Variants in PIAS2 observed in about 807,000 individuals in gnomAD.
PIAS2 encodes E3 SUMO-protein ligase PIAS2.
A neutral mutation model predicts 69.7 loss-of-function variants in PIAS2; 19 were observed. The observed-to-expected ratio is 0.27, with a 90% CI of 0.19 to 0.40. PIAS2 has a LOEUF of 0.40. PIAS2 is among the 10% of genes least tolerant of loss of function. The pLI is 1.00. For synonymous variants in PIAS2, 261 were observed against 263.2 expected, an observed-to-expected ratio of 0.99 and a Z score of 0.08; for missense variants, 624 against 757.0, an observed-to-expected ratio of 0.82 and a Z score of 2.06.
At chr18:46,885,815 G>A (rs564007445) in intron 2 of PIAS2, among the ~76,000 whole-genome samples, 1 of 152,140 alleles carries the variant, frequency 6.6e-6, no homozygotes, top group Non-Finnish European at 1.5e-5. Context: ...AATGCAGGGA[G>A]TTTAGTTACT....
chr18:46,900,181 A>G (rs1012091979), intron 1 of PIAS2, among the ~76,000 whole-genome samples: 3 of 152,134 alleles, frequency 2.0e-5, no homozygotes, highest in East Asian at 3.9e-4. Flanking sequence ...CCTGGCCAAC[A>G]TGGTAAAACA....
intron 5 of PIAS2, among the ~76,000 whole-genome samples, chr18:46,854,662 A>G (rs1327811122): frequency 6.6e-6 from 1 of 152,210 alleles, no homozygotes; most frequent in Non-Finnish European, 1.5e-5. Flanking sequence ...TTTACATTGT[A>G]TACATCCTAG....
intron 2 of PIAS2, among the ~76,000 whole-genome samples, chr18:46,876,177 A>G (rs527372992): frequency 1.7e-3 from 263 of 152,316 alleles, no homozygotes; most frequent in African/African-American, 6.1e-3. Flanking sequence ...CTCTGATCCA[A>G]TTGGCCATCC....
chr18:46,838,449 C>A (rs2044778050), intron 8 of PIAS2, among the ~76,000 whole-genome samples: 1 of 152,164 alleles, frequency 6.6e-6, no homozygotes, highest in Non-Finnish European at 1.5e-5. Context: ...AGAGTCCACT[C>A]TCTCACTGCT....
At chr18:46,836,310 C>G in intron 9 of PIAS2, 47 bp downstream of exon 9, 1 of 1,453,808 alleles carries the variant, frequency 6.9e-7, no homozygotes, top group Non-Finnish European at 9.6e-7. Context: ...GCATTGCCAA[C>G]AGCTGTTGTA....
intron 8 of PIAS2, among the ~76,000 whole-genome samples, chr18:46,838,141 C>G (rs554146359): frequency 8.9e-4 from 136 of 152,234 alleles, no homozygotes; most frequent in African/African-American, 3.0e-3. Flanking sequence ...TTTCTAATTC[C>G]TCTAAAATGA....
At chr18:46,917,734 C>A (rs1377107040), upstream of PIAS2, 1 of 225,966 alleles carries the variant, frequency 4.4e-6, no homozygotes. Flanking sequence ...TGGGTCGCAA[C>A]TGAGGCGTTA....
chr18:46,920,035 A>T, upstream of PIAS2: 2 of 1,286,954 alleles, frequency 1.6e-6, no homozygotes, highest in Non-Finnish European at 2.0e-6. Flanking sequence ...AAGAAAAGAA[A>T]AGCAAAGCCC....
At chr18:46,846,466 G>T (rs934334223) in intron 6 of PIAS2, 3 of 312,722 alleles carry the variant, frequency 9.6e-6, no homozygotes, top group Non-Finnish European at 1.7e-5. Context: ...ATTACCTTAA[G>T]AAATATAAAT....
chr18:46,842,246 T>TA (rs755000016), intron 8 of PIAS2, among the ~76,000 whole-genome samples: 311 of 35,566 alleles, frequency 8.7e-3, no homozygotes, highest in African/African-American at 0.013. Context: ...TAAAATAAAT[T>TA]AAAAAAAAAA....
intron 1 of PIAS2, among the ~76,000 whole-genome samples, chr18:46,899,804 A>C (rs1040974688): frequency 2.0e-5 from 3 of 152,084 alleles, no homozygotes; most frequent in African/African-American, 7.3e-5. Context: ...ACAGAAAACA[A>C]ATGTGGGGAG....
intron 6 of PIAS2, 182 bp downstream of exon 6, chr18:46,846,525 T>C: frequency 2.2e-6 from 1 of 458,694 alleles, no homozygotes; most frequent in Middle Eastern, 5.6e-4. Flanking sequence ...TCAGGAAAGC[T>C]CAGAGTTAAA....
intron 1 of PIAS2, among the ~76,000 whole-genome samples, chr18:46,896,539 T>C (rs1221643191): frequency 1.3e-5 from 2 of 152,186 alleles, no homozygotes; most frequent in African/African-American, 2.4e-5. Flanking sequence ...GTAAAATACA[T>C]ACGTGTTAGA....
At chr18:46,835,979 C>A (rs1043530568) in intron 9 of PIAS2, among the ~76,000 whole-genome samples, 6 of 152,132 alleles carry the variant, frequency 3.9e-5, no homozygotes, top group Non-Finnish European at 8.8e-5. Flanking sequence ...AACTTAAGAG[C>A]TATGTCTGTA....
At chr18:46,825,804 A>G (rs1239112751) in intron 11 of PIAS2, among the ~76,000 whole-genome samples, 2 of 152,256 alleles carry the variant, frequency 1.3e-5, no homozygotes, top group Non-Finnish European at 2.9e-5. Context: ...CAATTAATTT[A>G]CTGAAGGCCT....
intron 8 of PIAS2, among the ~76,000 whole-genome samples, chr18:46,841,465 TCTG>T (rs924639460): frequency 6.6e-6 from 1 of 152,214 alleles, no homozygotes; most frequent in African/African-American, 2.4e-5. Context: ...TGGACTCCAT[TCTG>T]CTTTCTCCAA....
intron 1 of PIAS2, among the ~76,000 whole-genome samples, chr18:46,895,257 A>T (rs10853545): frequency 0.56 from 84,822 of 151,854 alleles, 24,240 homozygotes; most frequent in African/African-American, 0.67. Flanking sequence ...AAGGTCAATA[A>T]GAACTCTGTA....
intron 1 of PIAS2, among the ~76,000 whole-genome samples, chr18:46,896,440 A>C (rs188675342): frequency 1.3e-4 from 20 of 152,320 alleles, no homozygotes; most frequent in African/African-American, 4.8e-4. Flanking sequence ...TACCCAAACA[A>C]GACAGCTTCA....
chr18:46,819,595 C>A (rs879790856), intron 12 of PIAS2, among the ~76,000 whole-genome samples: 2 of 151,842 alleles, frequency 1.3e-5, no homozygotes, highest in Non-Finnish European at 2.9e-5. Context: ...AAACTTTCAC[C>A]AACAGGATAA....
Sources: gnomAD v4.1 joint callset for allele counts (sites outside exome capture counted in the v4.1 genomes callset) on GRCh38, gnomAD v4.1.1 for gene constraint, MANE v1.5 for transcripts, NCBI Gene and HGNC (gene_info 2026-07-23, HGNC 2026-07-21) for gene names.